The following SOX6 variants were observed in gnomAD, a reference collection of about 807,000 sequenced individuals.
SOX6 encodes the protein SRY-box transcription factor 6.
In SOX6, 11 loss-of-function variants were observed where a neutral mutation model predicts 97.8. That is an observed-to-expected ratio of 0.11 (90% CI 0.07 to 0.19). The LOEUF (loss-of-function observed/expected upper bound fraction) is 0.19. SOX6 is among the 10% of genes least tolerant of loss of function. SOX6 has a pLI of 1.00. For synonymous variants in SOX6, 360 were observed against 371.4 expected (o/e 0.97, Z 0.35); for missense variants, 810 against 1,039.5 (o/e 0.78, Z 3.04).
chr11:16,603,719 T>C (rs563641467), intron 4 of SOX6, among the ~76,000 whole-genome samples: 2 of 152,282 alleles, frequency 1.3e-5, no homozygotes, highest in South Asian at 4.1e-4. Context: ...TGCATCTCCT[T>C]TCCCCATTCA....
At chr11:16,023,779 T>C (rs540672315) in intron 12 of SOX6, among the ~76,000 whole-genome samples, 72 of 152,320 alleles carry the variant, frequency 4.7e-4, no homozygotes, top group African/African-American at 1.7e-3. Context: ...AGAATTATAT[T>C]AATTTCAATT....
chr11:16,484,605 G>A (rs1229032651), intron 4 of SOX6: 2 of 691,032 alleles, frequency 2.9e-6, no homozygotes, highest in Admixed American at 2.0e-5. Context: ...CGTGGAGGGG[G>A]CTTCCAGGTG....
At chr11:16,686,513 A>G (rs1484638920) in intron 3 of SOX6, among the ~76,000 whole-genome samples, 1 of 152,230 alleles carries the variant, frequency 6.6e-6, no homozygotes, top group Admixed American at 6.5e-5. Flanking sequence ...TTGATAAGGT[A>G]TCTCAAGAGT....
intron 1 of SOX6, among the ~76,000 whole-genome samples, chr11:16,344,957 T>C (rs1856736662): frequency 6.6e-6 from 1 of 152,020 alleles, no homozygotes; most frequent in African/African-American, 2.4e-5. Context: ...TATTCTAAAC[T>C]ATCCTCGCTC....
intron 3 of SOX6, among the ~76,000 whole-genome samples, chr11:16,251,468 A>G (rs1055894568): frequency 7.9e-5 from 6 of 76,300 alleles, no homozygotes; most frequent in African/African-American, 2.8e-4. Flanking sequence ...ACATTGATAA[A>G]GAGAATAGTA....
chr11:16,523,609 A>G (rs1297116018), intron 4 of SOX6, among the ~76,000 whole-genome samples: 1 of 152,184 alleles, frequency 6.6e-6, no homozygotes, highest in Non-Finnish European at 1.5e-5. Context: ...AAAAGCTAGC[A>G]GAAGGCAAGA....
intron 1 of SOX6, among the ~76,000 whole-genome samples, chr11:16,351,730 A>AG (rs771181340): frequency 6.6e-6 from 1 of 152,084 alleles, no homozygotes; most frequent in Non-Finnish European, 1.5e-5. Flanking sequence ...AGACTATTCC[A>AG]GTTAACTACG....
chr11:16,332,420 C>T (rs531189028), intron 2 of SOX6, among the ~76,000 whole-genome samples: 1 of 152,238 alleles, frequency 6.6e-6, no homozygotes, highest in East Asian at 1.9e-4. Context: ...TGAATGAGGG[C>T]ACACTTCCTC....
chr11:16,612,371 C>A (rs569581083), intron 3 of SOX6: 2 of 152,404 alleles, frequency 1.3e-5, no homozygotes, highest in South Asian at 4.2e-4. Context: ...GGCAATAAAT[C>A]TATTACACTT....
At chr11:16,248,370 C>T (rs1043922136) in intron 3 of SOX6, among the ~76,000 whole-genome samples, 6 of 152,140 alleles carry the variant, frequency 3.9e-5, no homozygotes, top group Non-Finnish European at 4.4e-5. Flanking sequence ...TGTAGGGGTT[C>T]CAATCCCACA....
rs141029035 is a variant in SOX6, at chr11:16,068,593, C to T, written c.1102-12692G>A. On this transcript the variant is annotated intron_variant, in intron 9 of 15. Transcript: ENST00000683767. ...ACTCCTAATATTTGAGATGAGAGAA[C>T]GGGAGTAGGGGAAGAACTACTACAC... is the stretch of plus-strand genomic sequence containing the variant. 3.7e-3 allele frequency among the ~76,000 whole-genome samples: 569 copies of T among 152,088 alleles called. 1 individual carries two copies. Among genetic ancestry groups the T allele is most frequent in the Non-Finnish European group, 5.3e-3 (363 of 67,978 alleles).
intron 1 of SOX6, among the ~76,000 whole-genome samples, chr11:16,454,378 A>T (rs1032037953): frequency 6.6e-6 from 1 of 152,104 alleles, no homozygotes; most frequent in African/African-American, 2.4e-5. Flanking sequence ...ATCCCAAAAA[A>T]GTCATAACTT....
chr11:16,385,035 T>C (rs1857938485), intron 1 of SOX6, among the ~76,000 whole-genome samples: 1 of 152,028 alleles, frequency 6.6e-6, no homozygotes, highest in Non-Finnish European at 1.5e-5. Context: ...AAAAGCAGAA[T>C]AAAAAGGCAC....
chr11:16,447,011 A>T (rs61881798), intron 1 of SOX6, among the ~76,000 whole-genome samples: 54,625 of 126,600 alleles, frequency 0.43, 10,438 homozygotes, highest in East Asian at 0.57. Flanking sequence ...CCTTTCTTCC[A>T]TCCTTTCTTC....
intron 3 of SOX6, among the ~76,000 whole-genome samples, chr11:16,708,851 C>G (rs563533125): frequency 3.3e-5 from 5 of 152,046 alleles, no homozygotes; most frequent in Non-Finnish European, 7.4e-5. Context: ...CTTTTTCACA[C>G]AAAAAAATTC....
intron 1 of SOX6, among the ~76,000 whole-genome samples, chr11:16,460,914 T>G (rs1424634811): frequency 1.3e-5 from 2 of 152,172 alleles, no homozygotes; most frequent in African/African-American, 2.4e-5. Flanking sequence ...GCCTACACAC[T>G]TTAGGTCCTA....
rs979366137 is a variant in SOX6, at chr11:16,605,915, C to G, written n.609+6166G>C. On this transcript the variant is annotated intron_variant and non_coding_transcript_variant, in intron 4 of 5. Transcript: ENST00000524520. This position sits in a 1 kb window ranked among gnomAD's most constrained non-coding sequence, Gnocchi z 5.3. ...AGGAAACTTACTTTGCATTTAGTCT[C>G]TATTCTTTGGGGGATGCGGTTTAGG... 3.3e-5 allele frequency: 5 copies of G among 152,264 alleles called. No individual in the cohort carries two copies. The highest frequency in any genetic ancestry group is 3.3e-4 in the Admixed American group (5 of 15,286). 9.4% of individuals were successfully genotyped at this position (152,264 alleles called of 1,614,324 possible). A position where few individuals can be genotyped will look rare whatever the true frequency, so the allele number is the denominator to read the frequency against.
At chr11:16,361,002 C>CAA, upstream of SOX6, among the ~76,000 whole-genome samples, 1 of 136,856 alleles carries the variant, frequency 7.3e-6, no homozygotes, top group East Asian at 2.3e-4. Context: ...GACTCCATCT[C>CAA]AAAAAAAAAA....
chr11:16,057,859 T>G (rs1847856750), intron 9 of SOX6, among the ~76,000 whole-genome samples: 3 of 152,138 alleles, frequency 2.0e-5, no homozygotes, highest in Non-Finnish European at 4.4e-5. Context: ...CCTGACACTA[T>G]TTTGCTTCCT....
Sources: gnomAD v4.1 joint callset for allele counts (sites outside exome capture counted in the v4.1 genomes callset) on GRCh38, gnomAD v4.1.1 for gene constraint, Gnocchi (gnomAD v3.1) non-coding constraint, MANE v1.5 for transcripts, NCBI Gene and HGNC (gene_info 2026-07-23, HGNC 2026-07-21) for gene names.